EXOC6: variants seen among roughly 807,000 people sequenced by gnomAD.
EXOC6 encodes exocyst complex component 6.
Under a neutral mutation model 112.5 loss-of-function variants are expected in EXOC6, and 60 were observed. The ratio of observed to expected loss-of-function variants is 0.53; its 90% CI spans 0.43 to 0.66. EXOC6 has a LOEUF of 0.66. Ranked by LOEUF, EXOC6 falls within the 30% of genes least tolerant of loss-of-function variation. The pLI, the probability that EXOC6 is intolerant of heterozygous loss-of-function variation, is 0.00. For synonymous variants in EXOC6, 295 were observed against 308.0 expected, an observed-to-expected ratio of 0.96 and a Z score of 0.44; for missense variants, 855 against 957.1, an observed-to-expected ratio of 0.89 and a Z score of 1.41.
At chr10:93,048,153 T>C (rs528675614) in intron 20 of EXOC6, among the ~76,000 whole-genome samples, 3 of 152,224 alleles carry the variant, frequency 2.0e-5, no homozygotes, top group Non-Finnish European at 2.9e-5. Flanking sequence ...TTAGGAGATA[T>C]ACCTAATGTA....
intron 17 of EXOC6, among the ~76,000 whole-genome samples, chr10:92,968,634 A>G (rs1451504751): frequency 6.6e-6 from 1 of 152,154 alleles, no homozygotes; most frequent in Non-Finnish European, 1.5e-5. Flanking sequence ...TTCTTTTAGT[A>G]AGACATTTAT....
intron 17 of EXOC6, among the ~76,000 whole-genome samples, chr10:92,961,640 AGAG>A (rs1330695259): frequency 6.6e-6 from 1 of 152,040 alleles, no homozygotes; most frequent in African/African-American, 2.4e-5. Context: ...TGTAAACAAA[AGAG>A]GAGGATCAAC....
intron 19 of EXOC6, among the ~76,000 whole-genome samples, chr10:93,000,942 T>C (rs1843730944): frequency 6.6e-6 from 1 of 152,216 alleles, no homozygotes; most frequent in South Asian, 2.1e-4. Context: ...CTCTAATAAA[T>C]ATGTTAAAAG....
chr10:92,850,893 G>A (rs973455807), intron 1 of EXOC6, among the ~76,000 whole-genome samples: 6 of 151,842 alleles, frequency 4.0e-5, no homozygotes, highest in Non-Finnish European at 7.4e-5. Flanking sequence ...TAAACTTTCC[G>A]CAGGCCCTGA....
intron 18 of EXOC6, among the ~76,000 whole-genome samples, chr10:92,986,146 G>A (rs953838217): frequency 6.6e-6 from 1 of 152,070 alleles, no homozygotes; most frequent in Non-Finnish European, 1.5e-5. Context: ...GACATACATG[G>A]TAGTTATATG....
chr10:92,847,065 G>A (rs774743828), upstream of EXOC6, among the ~76,000 whole-genome samples: 56 of 152,296 alleles, frequency 3.7e-4, no homozygotes, highest in Admixed American at 6.5e-4. Context: ...AAATTCTCCC[G>A]CAGAGTCTCT....
chr10:92,904,194 T>C (rs1245941702), intron 5 of EXOC6, among the ~76,000 whole-genome samples: 1 of 152,134 alleles, frequency 6.6e-6, no homozygotes, highest in Admixed American at 6.6e-5. Flanking sequence ...CCATAGTTTA[T>C]CCATTCACCT....
chr10:93,050,773 A>AAAAAAAAAAAAAC (rs1846249241), intron 20 of EXOC6, among the ~76,000 whole-genome samples: 1 of 146,512 alleles, frequency 6.8e-6, no homozygotes, highest in Non-Finnish European at 1.5e-5. Context: ...AAAAAAAAAA[A>AAAAAAAAAAAAAC]AAAAAAAAGA....
At chr10:92,972,909 C>T (rs538227831) in intron 17 of EXOC6, among the ~76,000 whole-genome samples, 3 of 152,108 alleles carry the variant, frequency 2.0e-5, no homozygotes, top group Non-Finnish European at 2.9e-5. Context: ...TGTATGTGGC[C>T]GTTTAGATGC....
chr10:92,964,684 G>A (rs1216650248), intron 17 of EXOC6, among the ~76,000 whole-genome samples: 1 of 152,136 alleles, frequency 6.6e-6, no homozygotes, highest in Non-Finnish European at 1.5e-5. Flanking sequence ...GGAACTGATA[G>A]AAAAAGCAAC....
At chr10:92,985,028 A>ACAAAACAAAG (rs1842951127) in intron 18 of EXOC6, among the ~76,000 whole-genome samples, 1 of 151,824 alleles carries the variant, frequency 6.6e-6, no homozygotes, top group African/African-American at 2.4e-5. Flanking sequence ...ACAAAACAAA[A>ACAAAACAAAG]CCTGAATTCT....
intron 1 of EXOC6, among the ~76,000 whole-genome samples, chr10:92,882,793 C>T (rs1167392796): frequency 1.3e-5 from 2 of 152,106 alleles, no homozygotes; most frequent in Non-Finnish European, 2.9e-5. Context: ...CAGACTCTAA[C>T]TTCAGGGTTT....
At position 92,848,582 on chromosome 10, in the gene EXOC6, A is replaced by C. The variant is rs766108222; in HGVS notation, c.49A>C (p.Ile17Leu). ...SLGTVPEHERILQEIESTDTA... is the reference protein window; with the variant it reads ...SLGTVPEHERLLQEIESTDTA... Reference sequence around the variant, plus strand: ...GGGCACCGTCCCCGAGCACGAGCGGATCTTGCAGGAGATCGAGAGCACCGA... The same window carrying C: ...GGGCACCGTCCCCGAGCACGAGCGGCTCTTGCAGGAGATCGAGAGCACCGA... Residue 17 changes from isoleucine to leucine, a missense_variant, in exon 1 of 22, where the codon ATC becomes CTC. By Grantham distance (5) the Ile-to-Leu change is conservative. This residue lies in a region of EXOC6 where 405 missense variants were observed against 393.6 expected (regional missense o/e 1.03). Coordinates refer to ENST00000260762, the MANE Select transcript of EXOC6 (RefSeq NM_019053.6). 6.9e-7 allele frequency: 1 copy of C among 1,453,858 alleles called. No individual in the cohort carries two copies. Among genetic ancestry groups the C allele is most frequent in the Admixed American group, 2.0e-5 (1 of 49,664 alleles). The allele number at this position is 1,453,858 out of a possible 1,614,324, so 90.1% of individuals were successfully genotyped here. A position where few individuals can be genotyped will look rare whatever the true frequency, so the allele number is the denominator to read the frequency against.
chr10:92,966,296 T>A (rs1203476098), intron 17 of EXOC6, among the ~76,000 whole-genome samples: 26 of 148,316 alleles, frequency 1.8e-4, no homozygotes, highest in African/African-American at 6.4e-4. Context: ...TTATTATTAT[T>A]ATTATTATTA....
Position 93,058,431 on chromosome 10 carries a change from C to T in EXOC6, c.*76C>T, listed in dbSNP as rs1234163967. ...TCTTGAGCAAGTATTGGTCATGATA[C>T]AGTAATTTGTTTACAGAATCCAAAA... On this transcript the variant is annotated 3_prime_UTR_variant, in exon 22 of 22. Transcript: ENST00000260762. 1 of 1,307,456 alleles carries T rather than the reference C, an allele frequency of 7.6e-7. No individual in the cohort carries two copies. Among genetic ancestry groups the T allele is most frequent in the Non-Finnish European group, 1.0e-6 (1 of 983,002 alleles). 81.0% of individuals were successfully genotyped at this position (1,307,456 alleles called of 1,614,324 possible).
In EXOC6 at chr10:93,014,206, C is replaced by G; in HGVS notation, c.2108C>G (p.Ser703Cys). Reference sequence around the variant, plus strand: ...TTTCTTTTAATAGTGTTTGCCAGCTCTGAGCCTGTGCCAGGATTCCAGGGG... The same window carrying G: ...TTTCTTTTAATAGTGTTTGCCAGCTGTGAGCCTGTGCCAGGATTCCAGGGG... ...DVIQCELFAS[S>C]EPVPGFQGDT... The change falls in exon 20 of 22, where the codon TCT becomes TGT. Residue 703 changes from serine (S) to cysteine (C), a missense_variant. Coordinates refer to ENST00000260762, the MANE Select transcript of EXOC6 (RefSeq NM_019053.6). 10 of 1,612,992 alleles carry G rather than the reference C, an allele frequency of 6.2e-6. No homozygotes were observed. The highest frequency in any genetic ancestry group is 8.5e-6 in the Non-Finnish European group (10 of 1,179,514).
intron 5 of EXOC6, among the ~76,000 whole-genome samples, chr10:92,905,701 G>A (rs2148361): frequency 0.78 from 119,057 of 151,992 alleles, 47,896 homozygotes; most frequent in East Asian, 1. Flanking sequence ...ATTAAGTATG[G>A]TATTAGCTTT....
intron 20 of EXOC6, among the ~76,000 whole-genome samples, chr10:93,052,170 G>A (rs961382755): frequency 6.6e-6 from 1 of 152,190 alleles, no homozygotes; most frequent in African/African-American, 2.4e-5. Context: ...ACCTGGCACT[G>A]TGGGTTCACT....
intron 1 of EXOC6, among the ~76,000 whole-genome samples, chr10:92,858,036 G>GCC (rs1847710043): frequency 1.1e-5 from 1 of 90,592 alleles, no homozygotes; most frequent in African/African-American, 3.9e-5. Context: ...CCCCTCCGCC[G>GCC]GCCAGCAGTT....
Sources: gnomAD v4.1 joint callset for allele counts (sites outside exome capture counted in the v4.1 genomes callset) on GRCh38, gnomAD v4.1.1 for gene constraint, gnomAD v4.1.1 regional missense constraint, MANE v1.5 for transcripts, NCBI Gene and HGNC (gene_info 2026-07-23, HGNC 2026-07-21) for gene names.